The following SLC22A3 variants were observed in gnomAD, a reference collection of about 807,000 sequenced individuals.
SLC22A3 encodes the protein EMT organic cation transporter 3.
A neutral mutation model predicts 59.1 loss-of-function variants in SLC22A3; 51 were observed. That is an observed-to-expected ratio of 0.86 (90% CI 0.69 to 1.09). The LOEUF (loss-of-function observed/expected upper bound fraction) is 1.09, where lower values mean the gene tolerates loss of function less well. SLC22A3 is among the 50% of genes least tolerant of loss of function. SLC22A3 has a pLI of 0.00. For synonymous variants in SLC22A3, 325 were observed against 292.0 expected (o/e 1.11, Z -1.15); for missense variants, 711 against 726.3 (o/e 0.98, Z 0.24).
intron 1 of SLC22A3, among the ~76,000 whole-genome samples, chr6:160,375,986 T>G (rs1253436455): frequency 6.6e-6 from 1 of 152,116 alleles, no homozygotes; most frequent in African/African-American, 2.4e-5. Context: ...CTCACAGTAT[T>G]GTTGGGAGGA....
At chr6:160,402,779 C>A (rs114544714) in intron 2 of SLC22A3, among the ~76,000 whole-genome samples, 2,987 of 151,506 alleles carry the variant, frequency 0.02, 94 homozygotes, top group Middle Eastern at 0.11. Flanking sequence ...GGGGATGAAA[C>A]AACACATCTA....
intron 1 of SLC22A3, among the ~76,000 whole-genome samples, chr6:160,361,741 GTA>G (rs1785019622): frequency 6.6e-6 from 1 of 152,162 alleles, no homozygotes; most frequent in Admixed American, 6.5e-5. Flanking sequence ...GAACCAACAA[GTA>G]ATTAACTGAC....
chr6:160,385,348 A>T (rs1050224396), intron 1 of SLC22A3, among the ~76,000 whole-genome samples: 1 of 152,210 alleles, frequency 6.6e-6, no homozygotes, highest in African/African-American at 2.4e-5. Context: ...TGGGAGACAC[A>T]GTGCCTTGTT....
chr6:160,364,528 A>G (rs775215648), intron 1 of SLC22A3, among the ~76,000 whole-genome samples: 141 of 152,332 alleles, frequency 9.3e-4, no homozygotes, highest in Non-Finnish European at 1.8e-3. Flanking sequence ...TACAAATTGG[A>G]TTGGGTTTTC....
At chr6:160,375,801 A>G (rs540440975) in intron 1 of SLC22A3, among the ~76,000 whole-genome samples, 67 of 152,094 alleles carry the variant, frequency 4.4e-4, no homozygotes, top group Non-Finnish European at 8.5e-4. Context: ...AATTTGAAAA[A>G]AATTGCATTT....
chr6:160,390,827 T>C (rs972474460), intron 1 of SLC22A3, among the ~76,000 whole-genome samples: 3 of 152,108 alleles, frequency 2.0e-5, no homozygotes, highest in Non-Finnish European at 4.4e-5. Flanking sequence ...AAAATAGAAA[T>C]TGATTCGCTC....
In SLC22A3 at chr6:160,397,955, T is replaced by C. The variant is rs746966763; in HGVS notation, c.430-24T>C. 5.8e-6 allele frequency: 9 copies of C among 1,544,034 alleles called. No homozygotes were observed. In the Admixed American group the frequency reaches 1.5e-4, roughly 26 times the overall value. The stretch of plus-strand genomic sequence containing the variant: ...AGATCTGCATTCTGGCATGTCTCCA[T>C]GTGTGTTTTCTTTGTTTTCTCAGTT... On this transcript the variant is annotated intron_variant, in intron 1 of 10. Coordinates refer to ENST00000275300, the MANE Select transcript of SLC22A3 (RefSeq NM_021977.4).
intron 1 of SLC22A3, among the ~76,000 whole-genome samples, chr6:160,370,203 C>T (rs962389492): frequency 6.6e-6 from 1 of 152,198 alleles, no homozygotes; most frequent in Admixed American, 6.5e-5. Flanking sequence ...TCTGTCAGTT[C>T]CAGGAGAGTC....
At chr6:160,390,621 G>C (rs1009603053) in intron 1 of SLC22A3, among the ~76,000 whole-genome samples, 2 of 152,096 alleles carry the variant, frequency 1.3e-5, no homozygotes, top group Non-Finnish European at 2.9e-5. Flanking sequence ...AATGAGATGA[G>C]TGAGCCACCA....
intron 2 of SLC22A3, among the ~76,000 whole-genome samples, chr6:160,399,838 T>C (rs1412065092): frequency 6.6e-6 from 1 of 152,042 alleles, no homozygotes; most frequent in Non-Finnish European, 1.5e-5. Flanking sequence ...TCTTCTCAGA[T>C]CCATAAGAGA....
In SLC22A3 at chr6:160,451,695, G is replaced by A. The variant is rs1788971817; in HGVS notation, c.*639G>A. 1 of 152,970 alleles carries A rather than the reference G, an allele frequency of 6.5e-6. No individual in the cohort carries two copies. Among genetic ancestry groups the A allele is most frequent in the Non-Finnish European group, 1.5e-5 (1 of 68,594 alleles). The allele number at this position is 152,970 out of a possible 1,614,324, so 9.5% of individuals were successfully genotyped here. ...CTGTAACAGCTGGGGTTCCAGGCAT[G>A]GTTTAGGCCCTGTTCCAGCAATAAG... On this transcript the variant is annotated 3_prime_UTR_variant, in exon 11 of 11. Coordinates refer to ENST00000275300, the MANE Select transcript of SLC22A3 (RefSeq NM_021977.4).
chr6:160,451,092 G>A lies in SLC22A3; in HGVS notation c.*36G>A, dbSNP rs1788945379. 2 of 1,566,516 alleles carry A rather than the reference G, an allele frequency of 1.3e-6. No homozygotes were observed. Among genetic ancestry groups the A allele is most frequent in the Non-Finnish European group, 1.7e-6 (2 of 1,149,720 alleles). On this transcript the variant is annotated 3_prime_UTR_variant, in exon 11 of 11. Coordinates refer to ENST00000275300, the MANE Select transcript of SLC22A3 (RefSeq NM_021977.4). ...AAAGACAGAAAGAAGGAGCTATCCAGGAGCTGATCCTCCTTGCAAAGCTGT... is the reference window on the plus strand; with the variant it reads ...AAAGACAGAAAGAAGGAGCTATCCAAGAGCTGATCCTCCTTGCAAAGCTGT...
At chr6:160,396,020 C>T (rs1016109650) in intron 1 of SLC22A3, among the ~76,000 whole-genome samples, 14 of 152,262 alleles carry the variant, frequency 9.2e-5, no homozygotes, top group Admixed American at 4.6e-4. Context: ...CAGGAATTGT[C>T]GGCCTGGATA....
intron 5 of SLC22A3, among the ~76,000 whole-genome samples, chr6:160,435,422 T>C (rs73592926): frequency 0.025 from 3,797 of 152,304 alleles, 160 homozygotes; most frequent in African/African-American, 0.087. Flanking sequence ...AGAAAACCAA[T>C]GTGTCTTGGT....
chr6:160,365,724 C>G (rs946189130), intron 1 of SLC22A3, among the ~76,000 whole-genome samples: 1 of 152,148 alleles, frequency 6.6e-6, no homozygotes, highest in African/African-American at 2.4e-5. Context: ...GTGTATTACC[C>G]TGTTCTCATG....
intron 10 of SLC22A3, among the ~76,000 whole-genome samples, chr6:160,449,144 G>A (rs904888668): frequency 2.6e-5 from 4 of 152,146 alleles, no homozygotes; most frequent in Admixed American, 6.6e-5. Flanking sequence ...GAAGAAAAGG[G>A]AGTCCTCTGA....
chr6:160,397,919 AG>A, intron 1 of SLC22A3, 59 bp from the exon 2 acceptor site: 1 of 1,223,154 alleles, frequency 8.2e-7, no homozygotes, highest in East Asian at 2.3e-5. Flanking sequence ...ACAAAAGATA[AG>A]GTGTTTTGAA....
At chr6:160,360,101 A>G (rs1212692250) in intron 1 of SLC22A3, among the ~76,000 whole-genome samples, 2 of 152,200 alleles carry the variant, frequency 1.3e-5, no homozygotes, top group East Asian at 1.9e-4. Context: ...CTAAACTTTC[A>G]TAGACATTTC....
intron 1 of SLC22A3, among the ~76,000 whole-genome samples, chr6:160,389,065 G>A (rs2114812458): frequency 6.6e-6 from 1 of 152,292 alleles, no homozygotes; most frequent in East Asian, 1.9e-4. Context: ...GGCTCCCAAA[G>A]AGGTGAATGT....
Sources: allele counts gnomAD v4.1 joint callset (sites outside exome capture counted in the v4.1 genomes callset), GRCh38; gene constraint gnomAD v4.1.1; transcripts MANE v1.5; gene names NCBI Gene and HGNC (gene_info 2026-07-23, HGNC 2026-07-21).